The following PRSS3 variants were observed in gnomAD, a reference collection of about 807,000 sequenced individuals.
PRSS3 encodes the protein serine protease 3.
Under a neutral mutation model 20.8 loss-of-function variants are expected in PRSS3, and 14 were observed. The observed-to-expected ratio is 0.67, with a 90% CI of 0.44 to 1.05. The LOEUF is 1.05. Among genes scored for constraint, PRSS3 ranks in the 50% least tolerant of loss-of-function variants. PRSS3 has a pLI of 0.00. For synonymous variants in PRSS3, 91 were observed against 117.6 expected, an observed-to-expected ratio of 0.77 and a Z score of 1.46; for missense variants, 237 against 306.4, an observed-to-expected ratio of 0.77 and a Z score of 1.69.
Position 33,756,359 on chromosome 9 carries a change from G to GT in PRSS3, c.-53+5634dup, listed in dbSNP as rs200237737. ...TCATATTCTGATATTTCATGATGCT[G>GT]TTATTTAATGTTGGGGTGGGGTTTT... On this transcript the variant is annotated intron_variant, in intron 1 of 5. Transcript: ENST00000342836. Among the ~76,000 whole-genome samples, 611 of 152,210 alleles carry GT rather than the reference G, an allele frequency of 4.0e-3. 6 individuals are homozygous for GT. The highest frequency in any genetic ancestry group is 0.031 in the Admixed American group (477 of 15,280).
chr9:33,750,981 C>A lies in PRSS3; in HGVS notation c.-53+254C>A. 1 of 841,794 alleles carries A rather than the reference C, an allele frequency of 1.2e-6. No homozygotes were observed. The highest frequency in any genetic ancestry group is 1.6e-6 in the Non-Finnish European group (1 of 613,336). The allele number at this position is 841,794 out of a possible 1,614,324, so 52.1% of individuals were successfully genotyped here. A position where few individuals can be genotyped will look rare whatever the true frequency, so the allele number is the denominator to read the frequency against. On this transcript the variant is annotated intron_variant, in intron 1 of 5. Coordinates refer to the PRSS3 transcript ENST00000342836. This position sits in a 1 kb window ranked among gnomAD's most constrained non-coding sequence, Gnocchi z 4.8. Reference sequence around the variant, plus strand: ...AAGCCCACCTGGGGCCCCCTCCGGGCTGCGGCACCGATGCGCACACTACTC... The same window carrying A: ...AAGCCCACCTGGGGCCCCCTCCGGGATGCGGCACCGATGCGCACACTACTC...
At chr9:33,786,939 C>A in intron 1 of PRSS3, 1 of 595,900 alleles carries the variant, frequency 1.7e-6, no homozygotes, top group Non-Finnish European at 3.0e-6. Flanking sequence ...AAGAGGAAAC[C>A]ACAGCTCTTG....
chr9:33,784,571 T>G lies in PRSS3; in HGVS notation c.-52-10175T>G, dbSNP rs575791242. Among the ~76,000 whole-genome samples, 3 of 152,350 alleles carry G rather than the reference T, an allele frequency of 2.0e-5. No individual in the cohort carries two copies. In the East Asian group the frequency reaches 5.8e-4, roughly 29 times the overall value. On this transcript the variant is annotated intron_variant, in intron 1 of 5. Transcript: ENST00000342836. ...GTAAATTGTTTTTCACAATTCTATT[T>G]TCTTTGAAATATGGGTAAGTCCTAT...
intron 1 of PRSS3, among the ~76,000 whole-genome samples, chr9:33,760,615 G>A (rs1430420114): frequency 2.0e-5 from 3 of 151,746 alleles, no homozygotes; most frequent in African/African-American, 4.8e-5. Flanking sequence ...GTGTGGTGGC[G>A]GGCGTCTATA....
chr9:33,794,857 T>A, upstream of PRSS3: 1 of 1,550,860 alleles, frequency 6.4e-7, no homozygotes, highest in Non-Finnish European at 8.7e-7. Context: ...TGGTTTTCCA[T>A]CCTCCAGATG....
rs191096068 is a variant in PRSS3, at chr9:33,767,691, T to G, written c.-53+16964T>G. On this transcript the variant is annotated intron_variant, in intron 1 of 5. Transcript: ENST00000342836. The stretch of plus-strand genomic sequence containing the variant: ...ATACAAAAAATTAGCCAGGCGTGGT[T>G]GCAGACACCTGTAATCCCAGCTACT... Among the ~76,000 whole-genome samples, 419 of 151,842 alleles carry G rather than the reference T, an allele frequency of 2.8e-3. 2 individuals carry two copies. The highest frequency in any genetic ancestry group is 9.7e-3 in the African/African-American group (401 of 41,372).
At chr9:33,751,145 C>T (rs1406337593) in intron 1 of PRSS3, among the ~76,000 whole-genome samples, 1 of 152,176 alleles carries the variant, frequency 6.6e-6, no homozygotes, top group Non-Finnish European at 1.5e-5. Flanking sequence ...CCCGTGAGTC[C>T]GGGAACGCGC....
intron 1 of PRSS3, among the ~76,000 whole-genome samples, chr9:33,785,479 T>C (rs891678001): frequency 9.2e-5 from 14 of 152,164 alleles, no homozygotes; most frequent in Admixed American, 6.5e-4. Flanking sequence ...GCCCGGCCCA[T>C]TGTGGTCAAG....
chr9:33,798,797 G>A (rs1415663854), intron 4 of PRSS3, 175 bp downstream of exon 4: 8 of 1,182,370 alleles, frequency 6.8e-6, no homozygotes, highest in South Asian at 2.9e-5. Context: ...ATGGAGAAAC[G>A]AGGAAGGTGG....
At chr9:33,767,669 C>CA (rs958850240) in intron 1 of PRSS3, among the ~76,000 whole-genome samples, 21 of 151,894 alleles carry the variant, frequency 1.4e-4, no homozygotes, top group Admixed American at 1.3e-3. Context: ...ACTAAAAATA[C>CA]AAAAAATTAG....
rs541299297 is a variant in PRSS3, at chr9:33,796,568, G to A, written c.41-75G>A. 1.1e-3 allele frequency: 1,672 copies of A among 1,585,430 alleles called. 3 individuals are homozygous for A. Among genetic ancestry groups the A allele is most frequent in the Non-Finnish European group, 1.3e-3 (1,504 of 1,156,784 alleles). ...CTTGTTAAGGATTTCTAATTGGCAG[G>A]AAGCAACCGCAGGCTGGGAGCACCA... On this transcript the variant is annotated intron_variant, in intron 1 of 4. Coordinates refer to ENST00000379405, the MANE Select transcript of PRSS3 (RefSeq NM_002771.4).
intron 1 of PRSS3, among the ~76,000 whole-genome samples, chr9:33,771,633 TTTTGTTTTTTTG>T (rs1467116335): frequency 8.9e-6 from 1 of 112,318 alleles, no homozygotes; most frequent in African/African-American, 3.4e-5. Context: ...GGTTTTGTTT[TTTTGTTTTTTTG>T]TTTTTTTTTT....
In PRSS3 at chr9:33,750,726, A is replaced by G. The variant is rs1411521548; in HGVS notation, c.-54A>G. 9 of 1,435,174 alleles carry G rather than the reference A, an allele frequency of 6.3e-6. No individual in the cohort carries two copies. The East Asian group carries it at 2.4e-4, about 38-fold the overall frequency. 88.9% of individuals were successfully genotyped at this position (1,435,174 alleles called of 1,614,324 possible). A position where few individuals can be genotyped will look rare whatever the true frequency, so the allele number is the denominator to read the frequency against. On this transcript the variant is annotated splice_region_variant and 5_prime_UTR_variant, in exon 1 of 6. Transcript: ENST00000342836. The surrounding 1 kb of genome is among the most constrained non-coding windows in gnomAD (Gnocchi z 4.8). ...CAGACGGCTGCGAGGCGCTGGGCAC[A>G]GGTCAGACGTCAGTACCCGCAGGGG... is the stretch of plus-strand genomic sequence containing the variant.
At chr9:33,776,370 T>G (rs933702733) in intron 1 of PRSS3, among the ~76,000 whole-genome samples, 1 of 152,142 alleles carries the variant, frequency 6.6e-6, no homozygotes, top group South Asian at 2.1e-4. Flanking sequence ...ATGAAAAATA[T>G]TGAATTGCAG....
intron 1 of PRSS3, among the ~76,000 whole-genome samples, chr9:33,778,905 T>C (rs577127397): frequency 6.6e-6 from 1 of 152,306 alleles, no homozygotes; most frequent in Admixed American, 6.5e-5. Context: ...AGCTGGGTGT[T>C]AGCCTAGCTA....
intron 1 of PRSS3, chr9:33,786,585 G>C (rs1824422074): frequency 1.3e-6 from 1 of 766,336 alleles, no homozygotes; most frequent in Non-Finnish European, 2.4e-6. Flanking sequence ...TGTCAACGTG[G>C]AACCTCCATG....
At position 33,796,895 on chromosome 9, in the gene PRSS3, G is replaced by A. The variant is rs572445474; in HGVS notation, c.200+93G>A. 682 of 1,600,288 alleles carry A rather than the reference G, an allele frequency of 4.3e-4. 3 individuals are homozygous for A. Among genetic ancestry groups the A allele is most frequent in the South Asian group, 9.0e-4 (82 of 90,618 alleles). On this transcript the variant is annotated intron_variant, in intron 2 of 4. Transcript: ENST00000379405. ...GGGAAGTACTGAGGTTGGGTAAGAC[G>A]GATGGGAGAGGTGGTGGAAAAGAAA...
chr9:33,762,696 C>T (rs1443529719), intron 1 of PRSS3, among the ~76,000 whole-genome samples: 1 of 152,132 alleles, frequency 6.6e-6, no homozygotes, highest in Non-Finnish European at 1.5e-5. Context: ...TGTCTCATTC[C>T]CATTAAAAAG....
chr9:33,785,160 A>ATTTTTTTTTTTTTTTTTTTTTTTTT (rs74180504), intron 1 of PRSS3, among the ~76,000 whole-genome samples: 4 of 72,500 alleles, frequency 5.5e-5, no homozygotes, highest in Non-Finnish European at 6.9e-5. Context: ...ATTGTGGTCA[A>ATTTTTTTTTTTTTTTTTTTTTTTTT]TTTTTTTTTT....
Sources: allele counts gnomAD v4.1 joint callset (sites outside exome capture counted in the v4.1 genomes callset), GRCh38; gene constraint gnomAD v4.1.1; non-coding constraint Gnocchi (gnomAD v3.1); transcripts MANE v1.5; gene names NCBI Gene and HGNC (gene_info 2026-07-23, HGNC 2026-07-21).